The following NIPSNAP1 variants were observed in gnomAD, a reference collection of about 807,000 sequenced individuals.
NIPSNAP1 encodes the protein protein NipSnap homolog 1.
In NIPSNAP1, 25 loss-of-function variants were observed where a neutral mutation model predicts 49.2. The observed-to-expected ratio is 0.51, with a 90% CI of 0.37 to 0.71. The LOEUF (loss-of-function observed/expected upper bound fraction) is 0.71, where lower values mean the gene tolerates loss of function less well. Ranked by LOEUF, NIPSNAP1 falls within the 30% of genes least tolerant of loss-of-function variation. The probability of loss-of-function intolerance (pLI) is 0.00; values close to 1 mark genes in which losing one functional copy is unlikely to be tolerated. For synonymous variants in NIPSNAP1, 143 were observed against 140.7 expected (o/e 1.02, Z -0.12); for missense variants, 294 against 361.0 (o/e 0.81, Z 1.50).
In NIPSNAP1 at chr22:29,569,300, T is replaced by TGCAGAGAGGGGCAGGGTTC; in HGVS notation, c.273-32_273-14dup. 1.2e-6 allele frequency: 2 copies of TGCAGAGAGGGGCAGGGTTC among 1,602,160 alleles called. No homozygotes were observed. The highest frequency in any genetic ancestry group is 8.5e-7 in the Non-Finnish European group (1 of 1,169,822). The stretch of plus-strand genomic sequence containing the variant: ...CAGCACAGCCTCCCTGTGGGGGAGG[T>TGCAGAGAGGGGCAGGGTTC]GCAGAGAGGGGCAGGGTTCACATAG... On this transcript the variant is annotated splice_polypyrimidine_tract_variant and intron_variant, in intron 3 of 9. Transcript: ENST00000216121.
chr22:29,571,107 C>A (rs917735607), intron 1 of NIPSNAP1, among the ~76,000 whole-genome samples: 3 of 152,144 alleles, frequency 2.0e-5, no homozygotes, highest in African/African-American at 7.2e-5. Context: ...GCCCATGTCC[C>A]CACCCTGACC....
rs577609875 is a variant in NIPSNAP1, at chr22:29,576,993, C to G, written c.98+3992G>C. On this transcript the variant is annotated intron_variant, in intron 1 of 9. Coordinates refer to ENST00000216121, the MANE Select transcript of NIPSNAP1 (RefSeq NM_003634.4). ...TCAGGGATCAGGGGTCCTTTCCATC[C>G]TTAACACCAACAGCAGAACTAGTGC... 5.3e-5 allele frequency among the ~76,000 whole-genome samples: 8 copies of G among 151,232 alleles called. No homozygotes were observed. The East Asian group carries it at 1.5e-3, about 29-fold the overall frequency.
intron 1 of NIPSNAP1, among the ~76,000 whole-genome samples, chr22:29,576,726 C>T (rs2064455269): frequency 6.6e-6 from 1 of 151,358 alleles, no homozygotes; most frequent in South Asian, 2.1e-4. Context: ...GAGTTCAAGA[C>T]CAGCCTGGCC....
rs1287145921 is a variant in NIPSNAP1 at position 29,581,086 on chromosome 22, G to C, written c.-4C>G. The stretch of plus-strand genomic sequence containing the variant: ...TGCTGCACAGCCGCGGAGCCATGTT[G>C]GAGCCGCAAAGGTTGCAGGAAGGCC... On this transcript the variant is annotated 5_prime_UTR_variant, in exon 1 of 10. Transcript: ENST00000216121. 1.9e-6 allele frequency: 3 copies of C among 1,541,464 alleles called. 1 individual carries two copies. Among genetic ancestry groups the C allele is most frequent in the South Asian group, 2.4e-5 (2 of 83,892 alleles).
At chr22:29,563,826 C>T (rs1227183267) in intron 4 of NIPSNAP1, among the ~76,000 whole-genome samples, 1 of 152,104 alleles carries the variant, frequency 6.6e-6, no homozygotes, top group Non-Finnish European at 1.5e-5. Context: ...GACAAGTCTA[C>T]AAGCCAAGGA....
intron 8 of NIPSNAP1, among the ~76,000 whole-genome samples, chr22:29,560,146 G>C (rs467866): frequency 0.55 from 82,972 of 151,702 alleles, 23,182 homozygotes; most frequent in South Asian, 0.67. Flanking sequence ...TCATCCTTTA[G>C]CTCTCAGCTT....
Position 29,570,456 on chromosome 22 carries a change from G to A in NIPSNAP1, c.175C>T (p.His59Tyr). The A allele has an allele frequency of 6.2e-7, 1 of 1,614,188 alleles. No individual in the cohort carries two copies. Among genetic ancestry groups the A allele is most frequent in the South Asian group, 1.1e-5 (1 of 91,084 alleles). Reference sequence around the variant, plus strand: ...TCCTTCTTGGACAGCAGGGTGGAGTGGGCATCCTTCCGGGGATCCACTTTG... The same window carrying A: ...TCCTTCTTGGACAGCAGGGTGGAGTAGGCATCCTTCCGGGGATCCACTTTG... ...VHKVDPRKDAHSTLLSKKETS... is the reference protein window; with the variant it reads ...VHKVDPRKDAYSTLLSKKETS... The change falls in exon 2 of 10, where the codon CAC (histidine) becomes TAC (tyrosine). Residue 59 changes from histidine to tyrosine, a missense_variant. By Grantham distance (83) the His-to-Tyr change is moderately conservative. Coordinates refer to ENST00000216121, the MANE Select transcript of NIPSNAP1 (RefSeq NM_003634.4).
chr22:29,570,068 A>G, intron 3 of NIPSNAP1, 94 bp downstream of exon 3: 1 of 964,284 alleles, frequency 1.0e-6, no homozygotes, highest in East Asian at 2.4e-5. Context: ...GGATTTCTAC[A>G]GAAAAGAACA....
Position 29,577,660 on chromosome 22 carries a change from C to T in NIPSNAP1, c.98+3325G>A, listed in dbSNP as rs993040664. ...AACTCCTGACCTCAGGTGATCTGCCCGCCTCGGCCTCCCAAAGTGCTGGGA... is the reference window on the plus strand; with the variant it reads ...AACTCCTGACCTCAGGTGATCTGCCTGCCTCGGCCTCCCAAAGTGCTGGGA... On this transcript the variant is annotated intron_variant, in intron 1 of 9. Transcript: ENST00000216121. Among the ~76,000 whole-genome samples, 17 of 151,188 alleles carry T rather than the reference C, an allele frequency of 1.1e-4. No homozygotes were observed. In the South Asian group the frequency reaches 2.3e-3, roughly 20 times the overall value.
intron 3 of NIPSNAP1, chr22:29,569,832 C>CA (rs370496998): frequency 7.8e-4 from 302 of 388,414 alleles, no homozygotes; most frequent in African/African-American, 5.5e-3. Flanking sequence ...CTACTAAATA[C>CA]AAAAAAATTA....
At chr22:29,572,528 A>G (rs1044677936) in intron 1 of NIPSNAP1, among the ~76,000 whole-genome samples, 1 of 151,330 alleles carries the variant, frequency 6.6e-6, no homozygotes, top group African/African-American at 2.4e-5. Flanking sequence ...AAAAAAAATA[A>G]TAAATATGAC....
At chr22:29,567,657 ACC>A (rs1176804943) in intron 4 of NIPSNAP1, among the ~76,000 whole-genome samples, 1 of 151,844 alleles carries the variant, frequency 6.6e-6, no homozygotes, top group Admixed American at 6.6e-5. Context: ...GTTTGAGACC[ACC>A]CTGGGTAACA....
At chr22:29,565,279 AGGCAG>A (rs1200682308) in intron 4 of NIPSNAP1, among the ~76,000 whole-genome samples, 1 of 152,116 alleles carries the variant, frequency 6.6e-6, no homozygotes, top group Non-Finnish European at 1.5e-5. Context: ...TGGGAGGCCG[AGGCAG>A]GTGGATCAAC....
chr22:29,558,129 C>T (rs2064308887), intron 9 of NIPSNAP1, among the ~76,000 whole-genome samples: 1 of 152,118 alleles, frequency 6.6e-6, no homozygotes, highest in African/African-American at 2.4e-5. Context: ...AAAAACATTT[C>T]CTGCATGCTT....
At chr22:29,574,216 G>A (rs2064431618) in intron 1 of NIPSNAP1, among the ~76,000 whole-genome samples, 1 of 123,838 alleles carries the variant, frequency 8.1e-6, no homozygotes, top group African/African-American at 3.1e-5. Flanking sequence ...CCAAGATCAC[G>A]CCACTGCACG....
chr22:29,578,206 TTG>T (rs990283017), intron 1 of NIPSNAP1, among the ~76,000 whole-genome samples: 1 of 151,004 alleles, frequency 6.6e-6, no homozygotes, highest in African/African-American at 2.5e-5. Flanking sequence ...TGGCTAATTT[TTG>T]TGTTTTTAGT....
At chr22:29,565,118 C>T (rs918394818) in intron 4 of NIPSNAP1, among the ~76,000 whole-genome samples, 5 of 150,790 alleles carry the variant, frequency 3.3e-5, no homozygotes, top group South Asian at 2.1e-4. Context: ...GTGAGAGGAT[C>T]GCCTGAGCCT....
At chr22:29,576,880 G>A (rs567973058) in intron 1 of NIPSNAP1, among the ~76,000 whole-genome samples, 171 of 149,920 alleles carry the variant, frequency 1.1e-3, no homozygotes, top group Non-Finnish European at 1.8e-3. Flanking sequence ...AGCCGAAATC[G>A]CGCCACTGCA....
intron 3 of NIPSNAP1, chr22:29,569,908 G>A (rs1334461900): frequency 6.0e-6 from 3 of 497,294 alleles, no homozygotes; most frequent in East Asian, 3.9e-5. Context: ...AGAATCGCTT[G>A]TACCTGGGAG....
Sources: allele counts gnomAD v4.1 joint callset (sites outside exome capture counted in the v4.1 genomes callset), GRCh38; gene constraint gnomAD v4.1.1; transcripts MANE v1.5; gene names NCBI Gene and HGNC (gene_info 2026-07-23, HGNC 2026-07-21).